Variants in SKOR2 observed in about 807,000 individuals in gnomAD.
The protein encoded by SKOR2 is SKI family transcriptional corepressor 2.
In SKOR2, 47 loss-of-function variants were observed where a neutral mutation model predicts 69.1. That is an observed-to-expected ratio of 0.68 (90% CI 0.54 to 0.87). The LOEUF is 0.87. SKOR2 is among the 40% of genes least tolerant of loss of function. The pLI, the probability that SKOR2 is intolerant of heterozygous loss-of-function variation, is 0.00. For missense variants in SKOR2, 1,404 were observed against 1,472.2 expected, an observed-to-expected ratio of 0.95 and a Z score of 0.76; for synonymous variants, 717 against 672.6, an observed-to-expected ratio of 1.07 and a Z score of -1.02.
Position 47,220,028 on chromosome 18 carries a change from T to G in SKOR2, c.2918-18A>C, listed in dbSNP as rs761065354. 7 of 1,527,032 alleles carry G rather than the reference T, an allele frequency of 4.6e-6. No individual in the cohort carries two copies. Among genetic ancestry groups the G allele is most frequent in the South Asian group, 2.4e-5 (2 of 83,664 alleles). The allele number at this position is 1,527,032 out of a possible 1,614,324, so 94.6% of individuals were successfully genotyped here. A position where few individuals can be genotyped will look rare whatever the true frequency, so the allele number is the denominator to read the frequency against. ...AAAATTATCTGGTAGGAGAGAGAGATAGAGAAAGATTAACTAAAGTGTAAA... is the reference window on the plus strand; with the variant it reads ...AAAATTATCTGGTAGGAGAGAGAGAGAGAGAAAGATTAACTAAAGTGTAAA... On this transcript the variant is annotated intron_variant, in intron 6 of 8. Coordinates refer to ENST00000425639, the MANE Select transcript of SKOR2 (RefSeq NM_001278063.4).
chr18:47,246,678 G>T lies in SKOR2; in HGVS notation c.2506C>A (p.Pro836Thr), dbSNP rs750604635. The T allele has an allele frequency of 6.7e-7, 1 of 1,499,976 alleles. No individual in the cohort carries two copies. The highest frequency in any genetic ancestry group is 1.2e-5 in the South Asian group (1 of 80,458). 92.9% of individuals were successfully genotyped at this position (1,499,976 alleles called of 1,614,324 possible). Residue 836 changes from proline (P) to threonine (T), a missense_variant, in exon 2 of 9, where the codon CCC (proline) becomes ACC (threonine). Physicochemically the swap from Pro to Thr is conservative, Grantham distance 38. This residue lies in a region of SKOR2 where 1,266 missense variants were observed against 1,309.9 expected (regional missense o/e 0.97). Coordinates refer to ENST00000425639, the MANE Select transcript of SKOR2 (RefSeq NM_001278063.4). Reference sequence around the variant, plus strand: ...TGGGGGGCCAGGGGCGGCGGCGGGGGCGGGGGCAGGTCCGAGCCGGGGTCC... The same window carrying T: ...TGGGGGGCCAGGGGCGGCGGCGGGGTCGGGGGCAGGTCCGAGCCGGGGTCC... ...LGDPGSDLPPPPPPPLAPQKA... is the reference protein window; with the variant it reads ...LGDPGSDLPPTPPPPLAPQKA...
chr18:47,246,632 C>T lies in SKOR2; in HGVS notation c.2552G>A (p.Ser851Asn). The T allele has an allele frequency of 6.6e-7, 1 of 1,520,768 alleles. No individual in the cohort carries two copies. Among genetic ancestry groups the T allele is most frequent in the Non-Finnish European group, 8.8e-7 (1 of 1,140,898 alleles). The allele number at this position is 1,520,768 out of a possible 1,614,324, so 94.2% of individuals were successfully genotyped here. The change falls in exon 2 of 9, where the codon AGC becomes AAC. Residue 851 changes from serine to asparagine, a missense_variant. Coordinates refer to ENST00000425639, the MANE Select transcript of SKOR2 (RefSeq NM_001278063.4). ...LAPQKASGGG[S>N]SSPGSPVHHP... is the part of the protein sequence containing the mutation. Reference sequence around the variant, plus strand: ...GTGAACTGGGCTGCCCGGGCTGCTGCTGCCGCCGCCACTCGCCTTCTGGGG... The same window carrying T: ...GTGAACTGGGCTGCCCGGGCTGCTGTTGCCGCCGCCACTCGCCTTCTGGGG...
rs1209145340 is a variant in SKOR2, at chr18:47,247,797, AG to A, written c.1386del (p.Phe463SerfsTer33). On this transcript the variant is annotated frameshift_variant, in exon 2 of 9. Coordinates refer to ENST00000425639, the MANE Select transcript of SKOR2 (RefSeq NM_001278063.4). LOFTEE classifies it high-confidence loss of function. This position sits in a 1 kb window ranked among gnomAD's most constrained non-coding sequence, Gnocchi z 6.6. The stretch of plus-strand genomic sequence containing the variant: ...CAGAACATGCAGAAGGGCGGATAGA[AG>A]GCGTCCTTGCGGCCCGCGGGCCAGA... ...GLFWPAGRKD[A>X]FYPPFCMFWP... 7.2e-7 allele frequency: 1 copy of A among 1,398,560 alleles called. No individual in the cohort carries two copies. Among genetic ancestry groups the A allele is most frequent in the South Asian group, 1.6e-5 (1 of 64,424 alleles). The allele number at this position is 1,398,560 out of a possible 1,614,324, so 86.6% of individuals were successfully genotyped here.
chr18:47,215,918 A>G (rs1465445432), intron 7 of SKOR2, among the ~76,000 whole-genome samples: 5 of 152,224 alleles, frequency 3.3e-5, no homozygotes, highest in African/African-American at 7.2e-5. Context: ...AATCTACAGT[A>G]GTAGCTTATA....
Position 47,246,857 on chromosome 18 carries a change from A to G in SKOR2, c.2327T>C (p.Leu776Pro), listed in dbSNP as rs1048815323. 2.7e-6 allele frequency: 4 copies of G among 1,488,928 alleles called. No individual in the cohort carries two copies. Among genetic ancestry groups the G allele is most frequent in the African/African-American group, 2.9e-5 (2 of 68,816 alleles). The allele number at this position is 1,488,928 out of a possible 1,614,324, so 92.2% of individuals were successfully genotyped here. A position where few individuals can be genotyped will look rare whatever the true frequency, so the allele number is the denominator to read the frequency against. ...GCCCCCGACTAAGGGGTCGCCGAGT[A>G]GGACCTCCGTCTCCTCGTCCTCTTC... The part of the protein sequence containing the change: ...DEEEDEETEV[L>P]LGDPLVGGGR... The change falls in exon 2 of 9, where the codon CTA (leucine) becomes CCA (proline). Residue 776 changes from leucine to proline, a missense_variant. Coordinates refer to ENST00000425639, the MANE Select transcript of SKOR2 (RefSeq NM_001278063.4).
chr18:47,245,005 A>G (rs1363033536), intron 3 of SKOR2, 23 bp from the exon 4 acceptor site: 1 of 1,529,664 alleles, frequency 6.5e-7, no homozygotes, highest in African/African-American at 1.4e-5. Flanking sequence ...CAAAACACAA[A>G]ATCTGCAAGT....
intron 7 of SKOR2, among the ~76,000 whole-genome samples, chr18:47,216,660 A>G (rs2064144921): frequency 6.6e-6 from 1 of 152,184 alleles, no homozygotes; most frequent in Non-Finnish European, 1.5e-5. Context: ...CGCTTTCAAT[A>G]TAAGTTTTTT....
intron 8 of SKOR2, among the ~76,000 whole-genome samples, chr18:47,211,218 A>G (rs2064126823): frequency 6.6e-6 from 1 of 152,172 alleles, no homozygotes; most frequent in African/African-American, 2.4e-5. Context: ...AGGAGTGGGA[A>G]GAGTCATTCT....
intron 4 of SKOR2, among the ~76,000 whole-genome samples, chr18:47,241,370 A>C (rs906384366): frequency 6.6e-6 from 1 of 152,194 alleles, no homozygotes; most frequent in Non-Finnish European, 1.5e-5. Context: ...GCTCATCTGA[A>C]TTTCTGACAC....
intron 8 of SKOR2, among the ~76,000 whole-genome samples, chr18:47,209,768 G>A (rs146125240): frequency 4.0e-3 from 616 of 152,234 alleles, no homozygotes; most frequent in Middle Eastern, 0.014. Context: ...AGTGTAAGGA[G>A]TAAAAAGAGA....
At chr18:47,220,411 C>T (rs1217127992) in intron 6 of SKOR2, among the ~76,000 whole-genome samples, 2 of 152,080 alleles carry the variant, frequency 1.3e-5, no homozygotes, top group Non-Finnish European at 2.9e-5. Context: ...GGAAATGCTG[C>T]CCCTCCTGCA....
intron 8 of SKOR2, among the ~76,000 whole-genome samples, chr18:47,207,106 G>A (rs184246724): frequency 7.9e-5 from 12 of 152,188 alleles, no homozygotes; most frequent in Non-Finnish European, 1.8e-4. Flanking sequence ...AAGCCATTTA[G>A]ATGGGTTTAG....
rs2064284670 is a variant in SKOR2, at chr18:47,247,443, CCA to C, written c.1739_1740del (p.Val580GlyfsTer184). ...SAGSTPPADS[V>X]AAAGAGAAAA... ...GCCGCGGCCCCTGCCCCGGCAGCTG[CCA>C]CAGAGTCCGCGGGCGGCGTGGAGCC... On this transcript the variant is annotated frameshift_variant, in exon 2 of 9. Transcript: ENST00000425639. LOFTEE classifies it high-confidence loss of function. The surrounding 1 kb of genome is among the most constrained non-coding windows in gnomAD (Gnocchi z 6.6). 7.9e-7 allele frequency: 1 copy of C among 1,264,146 alleles called. No individual in the cohort carries two copies. Among genetic ancestry groups the C allele is most frequent in the African/African-American group, 1.6e-5 (1 of 63,798 alleles). 78.3% of individuals were successfully genotyped at this position (1,264,146 alleles called of 1,614,324 possible).
At chr18:47,235,797 AAAAAC>A (rs1306106346) in intron 4 of SKOR2, among the ~76,000 whole-genome samples, 9 of 151,502 alleles carry the variant, frequency 5.9e-5, no homozygotes, top group African/African-American at 1.9e-4. Context: ...AAAAAAAAAA[AAAAAC>A]AGCCAACAGA....
chr18:47,217,521 TAA>T (rs2064147793), intron 7 of SKOR2, among the ~76,000 whole-genome samples: 1 of 152,166 alleles, frequency 6.6e-6, no homozygotes, highest in African/African-American at 2.4e-5. Context: ...TTGCTTAGTG[TAA>T]AATAACATTT....
At chr18:47,233,039 TTG>T (rs1276444977) in intron 4 of SKOR2, among the ~76,000 whole-genome samples, 1 of 152,118 alleles carries the variant, frequency 6.6e-6, no homozygotes, top group Non-Finnish European at 1.5e-5. Context: ...AGGAGTATGT[TTG>T]TGTGTGTTTG....
Position 47,248,109 on chromosome 18 carries a change from C to G in SKOR2, c.1075G>C (p.Gly359Arg). 7.4e-7 allele frequency: 1 copy of G among 1,347,618 alleles called. No homozygotes were observed. The highest frequency in any genetic ancestry group is 9.5e-7 in the Non-Finnish European group (1 of 1,054,916). The allele number at this position is 1,347,618 out of a possible 1,614,324, so 83.5% of individuals were successfully genotyped here. A position where few individuals can be genotyped will look rare whatever the true frequency, so the allele number is the denominator to read the frequency against. Reference protein sequence around the residue: ...GGGAGGGCVAGVGVGAGAGAG... With the variant: ...GGGAGGGCVARVGVGAGAGAG... The stretch of plus-strand genomic sequence containing the variant: ...CCCGCGCCCGCGCCCACGCCCACGC[C>G]GGCCACACAGCCACCCCCAGCGCCG... The change falls in exon 2 of 9, where the codon GGC (glycine) becomes CGC (arginine). Residue 359 changes from glycine to arginine, a missense_variant. By Grantham distance (125) the Gly-to-Arg change is moderately radical. Coordinates refer to ENST00000425639, the MANE Select transcript of SKOR2 (RefSeq NM_001278063.4). This position sits in a 1 kb window ranked among gnomAD's most constrained non-coding sequence, Gnocchi z 6.4.
chr18:47,229,379 C>T (rs1342361104), intron 6 of SKOR2, among the ~76,000 whole-genome samples: 2 of 152,094 alleles, frequency 1.3e-5, no homozygotes, highest in African/African-American at 4.8e-5. Context: ...GCAGGCCAGG[C>T]ACAGTGGCTC....
intron 6 of SKOR2, among the ~76,000 whole-genome samples, chr18:47,221,902 C>G (rs2064162766): frequency 6.6e-6 from 1 of 152,208 alleles, no homozygotes; most frequent in Non-Finnish European, 1.5e-5. Context: ...GAATTATCCA[C>G]CAGCAGGTTG....
Sources: allele counts gnomAD v4.1 joint callset (sites outside exome capture counted in the v4.1 genomes callset), GRCh38; gene constraint gnomAD v4.1.1; regional missense constraint gnomAD v4.1.1; non-coding constraint Gnocchi (gnomAD v3.1); transcripts MANE v1.5; gene names NCBI Gene and HGNC (gene_info 2026-07-23, HGNC 2026-07-21).